The following PHLPP1 variants were observed in gnomAD, a reference collection of about 807,000 sequenced individuals.
PHLPP1 encodes the protein PH domain and leucine rich repeat protein phosphatase 1, also known as PH domain leucine-rich repeat-containing protein phosphatase 1.
A neutral mutation model predicts 117.2 loss-of-function variants in PHLPP1; 42 were observed. The ratio of observed to expected loss-of-function variants is 0.36; its 90% CI spans 0.28 to 0.46. PHLPP1 has a LOEUF of 0.46. Ranked by LOEUF, PHLPP1 falls within the 20% of genes least tolerant of loss-of-function variation. The pLI, the probability that PHLPP1 is intolerant of heterozygous loss-of-function variation, is 1.00. For missense variants in PHLPP1, 2,084 were observed against 2,241.9 expected (o/e 0.93, Z 1.42); for synonymous variants, 1,042 against 970.7 (o/e 1.07, Z -1.37).
intron 14 of PHLPP1, among the ~76,000 whole-genome samples, chr18:62,971,651 C>T (rs866637043): frequency 4.0e-5 from 6 of 151,248 alleles, no homozygotes; most frequent in Middle Eastern, 3.4e-3. Flanking sequence ...CAGGAGGAAG[C>T]TGGGCGGGAA....
intron 1 of PHLPP1, chr18:62,731,474 C>T (rs1044115413): frequency 5.3e-5 from 8 of 152,180 alleles, no homozygotes; most frequent in African/African-American, 1.4e-4. Flanking sequence ...ACTCCTTGAC[C>T]GACTGGCTAT....
At chr18:62,735,753 C>T (rs1691713031) in intron 1 of PHLPP1, among the ~76,000 whole-genome samples, 1 of 152,092 alleles carries the variant, frequency 6.6e-6, no homozygotes, top group African/African-American at 2.4e-5. Flanking sequence ...ATACTTACCC[C>T]ATGCACAGTA....
intron 3 of PHLPP1, among the ~76,000 whole-genome samples, chr18:62,852,076 T>TG (rs1269879876): frequency 6.6e-6 from 1 of 151,488 alleles, no homozygotes; most frequent in Non-Finnish European, 1.5e-5. Context: ...GATGGGGTCT[T>TG]GCTGTGTTGT....
intron 1 of PHLPP1, among the ~76,000 whole-genome samples, chr18:62,720,074 T>A (rs1234221589): frequency 1.3e-5 from 2 of 152,208 alleles, no homozygotes; most frequent in African/African-American, 2.4e-5. Context: ...TGACTTAAGA[T>A]ATGGGAAAAT....
chr18:62,716,958 C>A lies in PHLPP1; in HGVS notation c.1275C>A (p.Ser425Arg). The change falls in exon 1 of 17, where the codon AGC becomes AGA. Residue 425 changes from serine to arginine, a missense_variant. Physicochemically the swap from Ser to Arg is moderately radical, Grantham distance 110. Around this residue, in one of 2 missense-constraint regions of PHLPP1, gnomAD observed 719 missense variants for 636.0 expected, o/e 1.13. Coordinates refer to ENST00000262719, the MANE Select transcript of PHLPP1 (RefSeq NM_194449.4). This position sits in a 1 kb window ranked among gnomAD's most constrained non-coding sequence, Gnocchi z 5.7. ...PQQKAPRAID[S>R]PGGAVREGSC... ...AGAAAGCCCCGAGGGCCATTGACAG[C>A]CCGGGCGGGGCCGTCCGCGAGGGGT... 1 of 1,538,758 alleles carries A rather than the reference C, an allele frequency of 6.5e-7. No homozygotes were observed. The highest frequency in any genetic ancestry group is 8.7e-7 in the Non-Finnish European group (1 of 1,146,010).
intron 1 of PHLPP1, among the ~76,000 whole-genome samples, chr18:62,771,169 G>A (rs1303710848): frequency 2.0e-5 from 3 of 149,922 alleles, no homozygotes; most frequent in African/African-American, 7.4e-5. Flanking sequence ...AGCCGAGATT[G>A]CGCCATTGCC....
chr18:62,882,001 G>A (rs1358937829), intron 4 of PHLPP1, among the ~76,000 whole-genome samples: 3 of 152,132 alleles, frequency 2.0e-5, no homozygotes, highest in Non-Finnish European at 4.4e-5. Context: ...AAGGAACATG[G>A]GGCAAAAGGT....
intron 10 of PHLPP1, among the ~76,000 whole-genome samples, chr18:62,920,616 G>A (rs1204830768): frequency 6.6e-6 from 1 of 152,226 alleles, no homozygotes; most frequent in Non-Finnish European, 1.5e-5. Flanking sequence ...CTGGAGTGCA[G>A]TGGTGTGATC....
intron 9 of PHLPP1, among the ~76,000 whole-genome samples, 179 bp downstream of exon 9, chr18:62,915,187 G>A (rs1175165823): frequency 6.6e-6 from 1 of 152,230 alleles, no homozygotes; most frequent in African/African-American, 2.4e-5. Flanking sequence ...AGTGCAGTGA[G>A]GAGTAGAGTG....
intron 13 of PHLPP1, 72 bp from the exon 14 acceptor site, chr18:62,963,296 C>T (rs959546822): frequency 1.1e-5 from 11 of 972,162 alleles, no homozygotes; most frequent in Admixed American, 2.1e-5. Context: ...TTTTTTATTT[C>T]TTGGATAAAG....
intron 1 of PHLPP1, among the ~76,000 whole-genome samples, chr18:62,797,391 C>T (rs756710203): frequency 5.3e-5 from 8 of 152,142 alleles, no homozygotes; most frequent in Non-Finnish European, 1.0e-4. Flanking sequence ...CTCTGTGTCC[C>T]CATAAAGCTT....
intron 1 of PHLPP1, among the ~76,000 whole-genome samples, chr18:62,723,364 T>C (rs1910978339): frequency 6.6e-6 from 1 of 152,214 alleles, no homozygotes; most frequent in Non-Finnish European, 1.5e-5. Flanking sequence ...AGTTGAAGAC[T>C]GATGAAATTT....
intron 1 of PHLPP1, among the ~76,000 whole-genome samples, chr18:62,793,085 G>T (rs146537077): frequency 6.6e-6 from 1 of 151,990 alleles, no homozygotes; most frequent in Non-Finnish European, 1.5e-5. Flanking sequence ...TGAGGTGGGA[G>T]AATCACTTGA....
chr18:62,873,002 A>AAAAAAAAAG (rs1915945037), intron 4 of PHLPP1, among the ~76,000 whole-genome samples: 2 of 140,210 alleles, frequency 1.4e-5, no homozygotes, highest in Non-Finnish European at 3.1e-5. Flanking sequence ...AAAAAAAAAA[A>AAAAAAAAAG]AAAAAGAAAA....
At chr18:62,902,047 A>C (rs1465289608) in intron 6 of PHLPP1, among the ~76,000 whole-genome samples, 2 of 152,176 alleles carry the variant, frequency 1.3e-5, no homozygotes, top group Admixed American at 1.3e-4. Context: ...ACAAACTGGA[A>C]ATTGACATTT....
At chr18:62,747,194 A>C (rs768129241) in intron 1 of PHLPP1, among the ~76,000 whole-genome samples, 3 of 150,294 alleles carry the variant, frequency 2.0e-5, no homozygotes, top group Non-Finnish European at 4.4e-5. Flanking sequence ...AATTCCATCA[A>C]TTAGTTTTGT....
chr18:62,762,693 T>C (rs1912292287), intron 1 of PHLPP1, among the ~76,000 whole-genome samples: 1 of 152,176 alleles, frequency 6.6e-6, no homozygotes, highest in Non-Finnish European at 1.5e-5. Flanking sequence ...GGATTACAAG[T>C]GTGAGCCACC....
chr18:62,860,539 A>G lies in PHLPP1; in HGVS notation c.2004A>G (p.Lys668=). 6.2e-7 allele frequency: 1 copy of G among 1,613,878 alleles called. No homozygotes were observed. The highest frequency in any genetic ancestry group is 8.5e-7 in the Non-Finnish European group (1 of 1,179,862). ...YSQDLTHLNL[K]QNFLRQNPSL... ...AAGACCTCACTCATCTCAATTTAAAACAAAACTTCCTAAGGCAGAACCCTA... is the reference window on the plus strand; with the variant it reads ...AAGACCTCACTCATCTCAATTTAAAGCAAAACTTCCTAAGGCAGAACCCTA... The change falls in exon 4 of 17, where the codon AAA becomes AAG. Residue 668 remains lysine, a synonymous_variant. Transcript: ENST00000262719.
intron 1 of PHLPP1, among the ~76,000 whole-genome samples, chr18:62,793,372 T>A (rs557119713): frequency 6.6e-6 from 1 of 152,218 alleles, no homozygotes; most frequent in Non-Finnish European, 1.5e-5. Flanking sequence ...TGCTGCTGTT[T>A]CGCCTTCATA....
Sources: allele counts gnomAD v4.1 joint callset (sites outside exome capture counted in the v4.1 genomes callset), GRCh38; gene constraint gnomAD v4.1.1; regional missense constraint gnomAD v4.1.1; non-coding constraint Gnocchi (gnomAD v3.1); transcripts MANE v1.5; gene names NCBI Gene and HGNC (gene_info 2026-07-23, HGNC 2026-07-21).